Variants in HGF observed in about 807,000 individuals in gnomAD.
HGF encodes hepatocyte growth factor, also known as fibroblast-derived tumor cytotoxic factor.
HGF carries 39 observed loss-of-function variants against 111.6 expected under a neutral mutation model. That is an observed-to-expected ratio of 0.35 (90% CI 0.27 to 0.46). The LOEUF is 0.46. Ranked by LOEUF, HGF falls within the 20% of genes least tolerant of loss-of-function variation. The pLI is 1.00. For synonymous variants in HGF, 285 were observed against 294.8 expected, an observed-to-expected ratio of 0.97 and a Z score of 0.34; for missense variants, 735 against 910.5, an observed-to-expected ratio of 0.81 and a Z score of 2.48.
rs145158891 is a variant in HGF at position 81,763,722 on chromosome 7, C to T, written c.89-850G>A. Among the ~76,000 whole-genome samples, 448 of 152,244 alleles carry T rather than the reference C, an allele frequency of 2.9e-3. 3 individuals carry two copies. The highest frequency in any genetic ancestry group is 8.4e-3 in the African/African-American group (351 of 41,562). On this transcript the variant is annotated intron_variant, in intron 1 of 17. Transcript: ENST00000222390. Reference sequence around the variant, plus strand: ...AATCTGTTAGTGATCAGCATCTTCACAATGCAGATCAAAATGTTTAATAGA... The same window carrying T: ...AATCTGTTAGTGATCAGCATCTTCATAATGCAGATCAAAATGTTTAATAGA...
At chr7:81,709,554 AAT>A (rs1789518155) in intron 13 of HGF, among the ~76,000 whole-genome samples, 1 of 152,284 alleles carries the variant, frequency 6.6e-6, no homozygotes, top group East Asian at 1.9e-4. Flanking sequence ...TTTTATGTAG[AAT>A]ATGTCATTGA....
intron 7 of HGF, among the ~76,000 whole-genome samples, chr7:81,736,894 G>GGGGTGTGT (rs1554369032): frequency 1.8e-4 from 26 of 142,054 alleles, no homozygotes; most frequent in African/African-American, 6.3e-4. Context: ...TGTGTAGAGG[G>GGGGTGTGT]GTGTGTGTGT....
Position 81,706,354 on chromosome 7 carries a change from C to T in HGF, c.1690G>A (p.Val564Ile), listed in dbSNP as rs1451392483. ...HGRGDEKCKQ[V>I]LNVSQLVYGP... is the part of the protein sequence containing the mutation. ...TATACCAGCTGGGAAACATTGAGAA[C>T]CTGTTTGCATTTCTCATCTCCTCTT... The change falls in exon 15 of 18, where the codon GTT becomes ATT. Residue 564 changes from valine (V) to isoleucine (I), a missense_variant. By Grantham distance (29) the Val-to-Ile change is conservative (BLOSUM62 3). This residue lies in a region of HGF where 130 missense variants were observed against 129.9 expected (regional missense o/e 1.00). Coordinates refer to ENST00000222390, the MANE Select transcript of HGF (RefSeq NM_000601.6). 9.3e-6 allele frequency: 15 copies of T among 1,610,374 alleles called. No individual in the cohort carries two copies. The highest frequency in any genetic ancestry group is 1.2e-5 in the Non-Finnish European group (14 of 1,176,984).
chr7:81,763,187 A>T (rs1789185962), intron 1 of HGF, among the ~76,000 whole-genome samples: 1 of 152,218 alleles, frequency 6.6e-6, no homozygotes, highest in Non-Finnish European at 1.5e-5. Flanking sequence ...ACATCATGAA[A>T]GGAAATATCA....
intron 14 of HGF, among the ~76,000 whole-genome samples, chr7:81,706,805 A>G (rs1047260088): frequency 3.2e-4 from 49 of 152,034 alleles, no homozygotes; most frequent in African/African-American, 1.2e-3. Context: ...TTTTCTACAA[A>G]CAAAATCAAA....
chr7:81,733,611 C>T (rs953729592), intron 7 of HGF, among the ~76,000 whole-genome samples: 31 of 151,888 alleles, frequency 2.0e-4, no homozygotes, highest in Non-Finnish European at 7.4e-5. Context: ...GAAGTCACCC[C>T]ATAAATAAAA....
rs1282018692 is a variant in HGF at position 81,700,397 on chromosome 7, T to C, written c.*2184A>G. ...GATGATTTATTGGTGGTATTGTTTT[T>C]AGCCTTTAATAAAATGAAAAATACT... On this transcript the variant is annotated 3_prime_UTR_variant, in exon 18 of 18. Transcript: ENST00000222390. 1 of 151,658 alleles carries C rather than the reference T, an allele frequency of 6.6e-6. No individual in the cohort carries two copies. The allele number at this position is 151,658 out of a possible 1,614,324, so 9.4% of individuals were successfully genotyped here. A position where few individuals can be genotyped will look rare whatever the true frequency, so the allele number is the denominator to read the frequency against.
chr7:81,751,299 T>C (rs1788486634), intron 5 of HGF: 1 of 985,138 alleles, frequency 1.0e-6, no homozygotes. Context: ...ACTTAGATTT[T>C]TGGAAATTTA....
intron 7 of HGF, chr7:81,742,752 A>G (rs1403541957): frequency 6.7e-7 from 1 of 1,488,810 alleles, no homozygotes; most frequent in African/African-American, 1.4e-5. Flanking sequence ...AGCATGTAGA[A>G]AAATGATTGT....
intron 7 of HGF, 30 bp from the exon 8 acceptor site, chr7:81,729,809 A>G (rs1329055410): frequency 8.2e-7 from 1 of 1,215,466 alleles, no homozygotes; most frequent in South Asian, 1.3e-5. Context: ...ACAAAAAAAA[A>G]CTTATATAAA....
rs1198432915 is a variant in HGF, at chr7:81,710,336, A to G, written c.1445-93T>C. 3 of 830,026 alleles carry G rather than the reference A, an allele frequency of 3.6e-6. No individual in the cohort carries two copies. In the Admixed American group the frequency reaches 5.7e-5, roughly 16 times the overall value. 51.4% of individuals were successfully genotyped at this position (830,026 alleles called of 1,614,324 possible). On this transcript the variant is annotated intron_variant, in intron 12 of 17. Transcript: ENST00000222390. ...CTTAAATGCAATGATAATTACACAA[A>G]TGTAACTATTCTTATTGTGTCCAAA...
chr7:81,756,107 T>C, intron 4 of HGF: 2 of 698,854 alleles, frequency 2.9e-6, no homozygotes, highest in East Asian at 2.7e-5. Context: ...ACCGGCCAAA[T>C]GTGTCATGCC....
rs758862083 is a variant in HGF at position 81,705,718 on chromosome 7, T to C, written c.1793A>G (p.Asp598Gly). 2.5e-6 allele frequency: 4 copies of C among 1,612,114 alleles called. No individual in the cohort carries two copies. The highest frequency in any genetic ancestry group is 2.2e-5 in the South Asian group (2 of 91,056). Residue 598 changes from aspartate to glycine, a missense_variant, in exon 16 of 18, where the codon GAT becomes GGT. Around this residue, in one of 3 missense-constraint regions of HGF, gnomAD observed 130 missense variants for 129.9 expected, o/e 1.00. Transcript: ENST00000222390. ...AVLDDFVSTI[D>G]LPNYGCTIPE... ...AATTGTGCATCCATAATTAGGTAAATCAATCGTACTAACAAAATCATCCAG... is the reference window on the plus strand; with the variant it reads ...AATTGTGCATCCATAATTAGGTAAACCAATCGTACTAACAAAATCATCCAG...
At chr7:81,736,666 G>A in intron 7 of HGF, 1 of 453,720 alleles carries the variant, frequency 2.2e-6, no homozygotes, top group Non-Finnish European at 4.4e-6. Context: ...AAAGCAGAAG[G>A]CATGGCTGGG....
At chr7:81,706,085 A>G (rs1789417109) in intron 15 of HGF, among the ~76,000 whole-genome samples, 1 of 151,802 alleles carries the variant, frequency 6.6e-6, no homozygotes, top group African/African-American at 2.4e-5. Context: ...TTAGTTATTC[A>G]TTTTTTTACA....
At chr7:81,768,107 C>T (rs1480002164) in intron 1 of HGF, among the ~76,000 whole-genome samples, 2 of 152,150 alleles carry the variant, frequency 1.3e-5, no homozygotes, top group African/African-American at 2.4e-5. Context: ...GTCATTTCTA[C>T]ATTAGGCAAA....
chr7:81,722,673 G>T (rs1385835832), intron 9 of HGF, among the ~76,000 whole-genome samples: 2 of 150,702 alleles, frequency 1.3e-5, no homozygotes, highest in African/African-American at 4.9e-5. Flanking sequence ...AATTAGCTGG[G>T]TGTGGTGGCG....
chr7:81,712,897 G>C (rs1789608915), intron 11 of HGF, among the ~76,000 whole-genome samples: 1 of 152,084 alleles, frequency 6.6e-6, no homozygotes. Flanking sequence ...ATAGGTTAAT[G>C]GTAAACATAC....
intron 7 of HGF, chr7:81,742,708 T>G: frequency 7.2e-7 from 1 of 1,398,598 alleles, no homozygotes; most frequent in Non-Finnish European, 9.3e-7. Context: ...AAAAATAGTT[T>G]TTATTGTAAA....
Sources: allele counts gnomAD v4.1 joint callset (sites outside exome capture counted in the v4.1 genomes callset), GRCh38; gene constraint gnomAD v4.1.1; regional missense constraint gnomAD v4.1.1; transcripts MANE v1.5; gene names NCBI Gene and HGNC (gene_info 2026-07-23, HGNC 2026-07-21).